ASIC2: variants seen among roughly 807,000 people sequenced by gnomAD.
ASIC2 encodes the protein acid-sensing ion channel 2.
Under a neutral mutation model 57.3 loss-of-function variants are expected in ASIC2, and 25 were observed. That is an observed-to-expected ratio of 0.44 (90% confidence interval 0.32 to 0.61). The LOEUF is 0.61. ASIC2 is among the 20% of genes least tolerant of loss of function. The probability of loss-of-function intolerance (pLI) is 0.06; values close to 1 mark genes in which losing one functional copy is unlikely to be tolerated. For synonymous variants in ASIC2, 319 were observed against 307.5 expected (o/e 1.04, Z -0.39); for missense variants, 641 against 738.1 (o/e 0.87, Z 1.52).
At chr17:33,772,802 G>A (rs963216381) in intron 1 of ASIC2, among the ~76,000 whole-genome samples, 8 of 152,164 alleles carry the variant, frequency 5.3e-5, no homozygotes, top group Non-Finnish European at 1.0e-4. Context: ...TCAGTGAGGC[G>A]GAGACTCAAA....
intron 1 of ASIC2, among the ~76,000 whole-genome samples, chr17:33,659,911 TAAATA>T (rs1263527727): frequency 2.6e-5 from 3 of 115,368 alleles, no homozygotes; most frequent in East Asian, 2.6e-4. Flanking sequence ...AATAAATAAA[TAAATA>T]AAATAAAAAT....
intron 1 of ASIC2, among the ~76,000 whole-genome samples, chr17:33,922,281 C>T (rs1399859113): frequency 6.6e-6 from 1 of 152,042 alleles, no homozygotes; most frequent in East Asian, 1.9e-4. Flanking sequence ...TGAGGACTCC[C>T]TCCCTCCTTC....
intron 1 of ASIC2, among the ~76,000 whole-genome samples, chr17:33,930,513 G>C (rs1425520337): frequency 6.6e-6 from 1 of 152,234 alleles, no homozygotes; most frequent in African/African-American, 2.4e-5. Context: ...CTGGAGACCA[G>C]AGCCTGGGCC....
chr17:33,118,267 C>A (rs1052067309), intron 1 of ASIC2, among the ~76,000 whole-genome samples: 2 of 152,222 alleles, frequency 1.3e-5, no homozygotes, highest in Non-Finnish European at 1.5e-5. Flanking sequence ...AAATCACAGG[C>A]TGGCTTTGCT....
chr17:33,492,292 T>A (rs774160526), intron 1 of ASIC2, among the ~76,000 whole-genome samples: 3 of 152,232 alleles, frequency 2.0e-5, no homozygotes, highest in African/African-American at 4.8e-5. Context: ...CCATGATTGT[T>A]AAACTGTGAA....
At chr17:33,861,279 G>A (rs1422449463) in intron 1 of ASIC2, among the ~76,000 whole-genome samples, 1 of 152,100 alleles carries the variant, frequency 6.6e-6, no homozygotes, top group African/African-American at 2.4e-5. Context: ...AATATTTAAG[G>A]TACAATATTA....
chr17:33,127,985 C>T (rs1464573097), intron 1 of ASIC2, among the ~76,000 whole-genome samples: 2 of 152,260 alleles, frequency 1.3e-5, no homozygotes, highest in Non-Finnish European at 2.9e-5. Flanking sequence ...CCAGCCCTGC[C>T]TTTCTCCAAA....
Position 33,292,727 on chromosome 17 carries a change from G to A in ASIC2, c.-612C>T, listed in dbSNP as rs7214382. On this transcript the variant is annotated 5_prime_UTR_variant, in exon 1 of 10. Transcript: ENST00000225823. ...CTGGGCGGGCGGGGTGGGTGTGTAC[G>A]GGGGTGAGTGGTCGCCTTGCCGGCT... The A allele has an allele frequency of 1.8e-5, 18 of 985,618 alleles. No individual in the cohort carries two copies. The highest frequency in any genetic ancestry group is 2.2e-5 in the Non-Finnish European group (18 of 830,322). 61.1% of individuals were successfully genotyped at this position (985,618 alleles called of 1,614,324 possible). A position where few individuals can be genotyped will look rare whatever the true frequency, so the allele number is the denominator to read the frequency against.
chr17:33,989,027 C>T (rs989815324), intron 1 of ASIC2, among the ~76,000 whole-genome samples: 6 of 152,112 alleles, frequency 3.9e-5, no homozygotes, highest in Admixed American at 3.9e-4. Context: ...CCTGCAATTT[C>T]TCCTTAATAA....
intron 1 of ASIC2, among the ~76,000 whole-genome samples, chr17:33,361,871 T>A (rs1326803459): frequency 2.6e-5 from 4 of 152,228 alleles, no homozygotes; most frequent in African/African-American, 7.2e-5. Context: ...CCTTCCTCTG[T>A]GTATCTGGCA....
At chr17:33,142,352 G>T (rs943564163) in intron 1 of ASIC2, among the ~76,000 whole-genome samples, 1 of 152,202 alleles carries the variant, frequency 6.6e-6, no homozygotes, top group Non-Finnish European at 1.5e-5. Context: ...TGATAAAAGA[G>T]GTAGTAGAGA....
intron 1 of ASIC2, among the ~76,000 whole-genome samples, chr17:33,750,733 T>A (rs768038106): frequency 7.9e-5 from 12 of 152,186 alleles, no homozygotes; most frequent in Non-Finnish European, 1.6e-4. Flanking sequence ...CTGATTGGGC[T>A]AGGGACTCAG....
intron 1 of ASIC2, among the ~76,000 whole-genome samples, chr17:33,377,592 A>G (rs1479471179): frequency 6.6e-6 from 1 of 152,184 alleles, no homozygotes; most frequent in Non-Finnish European, 1.5e-5. Context: ...GATTTCCCCA[A>G]TATAATTCTT....
At chr17:34,033,850 C>G (rs1907738192) in intron 1 of ASIC2, among the ~76,000 whole-genome samples, 1 of 152,128 alleles carries the variant, frequency 6.6e-6, no homozygotes, top group South Asian at 2.1e-4. Context: ...CACAGGCTCT[C>G]AAATTGAGGC....
chr17:33,124,920 G>T (rs1445748201), intron 1 of ASIC2, among the ~76,000 whole-genome samples: 2 of 152,280 alleles, frequency 1.3e-5, no homozygotes, highest in South Asian at 2.1e-4. Flanking sequence ...TTCTCTTAAG[G>T]GGGGCACAAC....
intron 1 of ASIC2, among the ~76,000 whole-genome samples, chr17:33,583,763 C>T (rs908657930): frequency 3.3e-5 from 5 of 152,168 alleles, no homozygotes; most frequent in African/African-American, 9.7e-5. Flanking sequence ...GGTGAGCACT[C>T]AAGCAGCTTG....
intron 3 of ASIC2, among the ~76,000 whole-genome samples, chr17:33,064,639 C>T (rs2092035609): frequency 6.6e-6 from 1 of 152,188 alleles, no homozygotes; most frequent in African/African-American, 2.4e-5. Context: ...ACTCGGGGGT[C>T]AGGGACCCAC....
At chr17:34,035,291 A>G (rs1361936917) in intron 1 of ASIC2, among the ~76,000 whole-genome samples, 1 of 145,340 alleles carries the variant, frequency 6.9e-6, no homozygotes, top group Non-Finnish European at 1.5e-5. Context: ...TGGTGCTGGG[A>G]AAACTGGCTA....
chr17:33,195,337 A>G (rs542417546), intron 1 of ASIC2, among the ~76,000 whole-genome samples: 1 of 152,250 alleles, frequency 6.6e-6, no homozygotes, highest in East Asian at 1.9e-4. Context: ...CATGACCTTG[A>G]ACAAGTCCTC....
Sources: gnomAD v4.1 joint callset for allele counts (sites outside exome capture counted in the v4.1 genomes callset) on GRCh38, gnomAD v4.1.1 for gene constraint, MANE v1.5 for transcripts, NCBI Gene and HGNC (gene_info 2026-07-23, HGNC 2026-07-21) for gene names.